Variants in TSPAN18 observed in about 807,000 individuals in gnomAD.
TSPAN18 encodes tetraspanin-18.
Under a neutral mutation model 27.3 loss-of-function variants are expected in TSPAN18, and 14 were observed. The ratio of observed to expected loss-of-function variants is 0.51; its 90% CI spans 0.34 to 0.80. The LOEUF is 0.80. TSPAN18 is among the 30% of genes least tolerant of loss of function. TSPAN18 has a pLI of 0.01. For synonymous variants in TSPAN18, 143 were observed against 136.5 expected (o/e 1.05, Z -0.33); for missense variants, 268 against 323.9 (o/e 0.83, Z 1.32).
At chr11:44,881,606 A>G (rs1426465385) in intron 3 of TSPAN18, among the ~76,000 whole-genome samples, 2 of 152,200 alleles carry the variant, frequency 1.3e-5, no homozygotes, top group African/African-American at 4.8e-5. Flanking sequence ...GGGAAAATAC[A>G]TCTCCGCCAC....
At chr11:44,731,633 T>TGTGAGAGAGAGAGA (rs139154582) in intron 1 of TSPAN18, among the ~76,000 whole-genome samples, 1 of 107,384 alleles carries the variant, frequency 9.3e-6, no homozygotes, top group Admixed American at 1.0e-4. Context: ...TGTGTGTGTG[T>TGTGAGAGAGAGAGA]GAGAGAGAGA....
At chr11:44,892,594 G>A (rs1336383710) in intron 3 of TSPAN18, among the ~76,000 whole-genome samples, 1 of 152,248 alleles carries the variant, frequency 6.6e-6, no homozygotes, top group Non-Finnish European at 1.5e-5. Flanking sequence ...TCAGTACAAT[G>A]TCTAGTGCCT....
At chr11:44,761,601 G>A (rs1342781114) in intron 1 of TSPAN18, among the ~76,000 whole-genome samples, 2 of 152,180 alleles carry the variant, frequency 1.3e-5, no homozygotes, top group Non-Finnish European at 2.9e-5. Flanking sequence ...TTAAGGCTCT[G>A]GAGCGCAAAA....
rs553838657 is a variant in TSPAN18, at chr11:44,927,613, T to C, written c.699+856T>C. On this transcript the variant is annotated intron_variant, in intron 9 of 9. Transcript: ENST00000520358. ...GAGGGAGGGGTCATTGATTATTCAT[T>C]CATGTATTCAACAAGCACACACTGA... Among the ~76,000 whole-genome samples, 3 of 152,282 alleles carry C rather than the reference T, an allele frequency of 2.0e-5. No individual in the cohort carries two copies. In the South Asian group the frequency reaches 6.2e-4, roughly 32 times the overall value.
At chr11:44,771,522 A>G (rs1590443032) in intron 2 of TSPAN18, among the ~76,000 whole-genome samples, 1 of 152,318 alleles carries the variant, frequency 6.6e-6, no homozygotes, top group East Asian at 1.9e-4. Flanking sequence ...ATGCATTCCT[A>G]GGTGTGTTAA....
chr11:44,931,908 A>G lies in TSPAN18; in HGVS notation c.*2730A>G, dbSNP rs1048160601. 7.9e-5 allele frequency: 12 copies of G among 152,408 alleles called. No homozygotes were observed. The highest frequency in any genetic ancestry group is 1.3e-4 in the Non-Finnish European group (9 of 68,072). 9.4% of individuals were successfully genotyped at this position (152,408 alleles called of 1,614,324 possible). On this transcript the variant is annotated 3_prime_UTR_variant, in exon 10 of 10. Coordinates refer to ENST00000520358, the MANE Select transcript of TSPAN18 (RefSeq NM_130783.5). ...AGAGACTTCCTCGGACCCCACTAAC[A>G]GGGCAAGGAACAAGAAGACTACACC... is the stretch of plus-strand genomic sequence containing the variant.
At chr11:44,911,132 G>A (rs547126871) in intron 5 of TSPAN18, among the ~76,000 whole-genome samples, 34 of 152,348 alleles carry the variant, frequency 2.2e-4, no homozygotes, top group African/African-American at 8.2e-4. Context: ...TCCCGCTACA[G>A]GGTAAGTTAA....
Position 44,788,456 on chromosome 11 carries a change from C to CTT in TSPAN18, c.-153+23962_-153+23963dup, listed in dbSNP as rs11458938. On this transcript the variant is annotated intron_variant, in intron 2 of 9. Coordinates refer to ENST00000520358, the MANE Select transcript of TSPAN18 (RefSeq NM_130783.5). The stretch of plus-strand genomic sequence containing the variant: ...TGGAGGATGGGTTTTCTTTTTTTCT[C>CTT]TTTTTTTTTTTTTTTTTTTGAGCCA... Among the ~76,000 whole-genome samples, 622 of 126,738 alleles carry CTT rather than the reference C, an allele frequency of 4.9e-3. 16 individuals carry two copies. Among genetic ancestry groups the CTT allele is most frequent in the African/African-American group, 0.016 (516 of 33,070 alleles). 83.1% of individuals were successfully genotyped at this position (126,738 alleles called of 152,430 possible). A position where few individuals can be genotyped will look rare whatever the true frequency, so the allele number is the denominator to read the frequency against.
chr11:44,808,351 A>C (rs963923652), intron 2 of TSPAN18, among the ~76,000 whole-genome samples: 12 of 151,750 alleles, frequency 7.9e-5, no homozygotes, highest in African/African-American at 2.9e-4. Context: ...CACAGCTGTG[A>C]TGATGGACAG....
At chr11:44,844,955 C>T (rs1857450527) in intron 2 of TSPAN18, among the ~76,000 whole-genome samples, 1 of 152,194 alleles carries the variant, frequency 6.6e-6, no homozygotes. Context: ...AAGGAGGCTC[C>T]AAAGGGGTAT....
chr11:44,907,924 G>A (rs1272754354), intron 4 of TSPAN18, among the ~76,000 whole-genome samples: 7 of 152,028 alleles, frequency 4.6e-5, no homozygotes, highest in African/African-American at 9.7e-5. Context: ...GCGTGGTAGC[G>A]GGTGCCTGTA....
At chr11:44,831,091 C>T (rs1248564234) in intron 2 of TSPAN18, among the ~76,000 whole-genome samples, 6 of 152,034 alleles carry the variant, frequency 3.9e-5, no homozygotes, top group East Asian at 1.9e-4. Flanking sequence ...CCAGCCTGGG[C>T]GACACAGCAA....
chr11:44,897,347 G>A (rs1320146760), intron 3 of TSPAN18, among the ~76,000 whole-genome samples: 4 of 152,144 alleles, frequency 2.6e-5, no homozygotes, highest in Admixed American at 1.3e-4. Flanking sequence ...GATGAACAGG[G>A]CCCTGCTGGC....
At chr11:44,746,187 C>T (rs1214388234) in intron 1 of TSPAN18, among the ~76,000 whole-genome samples, 2 of 152,126 alleles carry the variant, frequency 1.3e-5, no homozygotes, top group Non-Finnish European at 2.9e-5. Context: ...GGGTGGGGCA[C>T]GTTGCTCTCT....
chr11:44,893,403 A>G (rs1193404997), intron 3 of TSPAN18, among the ~76,000 whole-genome samples: 2 of 152,176 alleles, frequency 1.3e-5, no homozygotes, highest in African/African-American at 4.8e-5. Context: ...CTCAGCTGTG[A>G]CCATGTCCCC....
intron 3 of TSPAN18, chr11:44,903,825 C>T (rs1193336184): frequency 6.6e-6 from 3 of 456,698 alleles, no homozygotes; most frequent in Non-Finnish European, 1.3e-5. Context: ...CCAATCTTGG[C>T]TTCACCACTC....
intron 3 of TSPAN18, chr11:44,903,909 AAG>A (rs1359087118): frequency 6.6e-6 from 3 of 456,482 alleles, no homozygotes; most frequent in African/African-American, 6.0e-5. Flanking sequence ...TAAGGATAAT[AAG>A]AGTATTAATC....
chr11:44,736,403 G>A (rs10838349), intron 1 of TSPAN18: 102,402 of 152,158 alleles, frequency 0.67, 37,475 homozygotes, highest in Non-Finnish European at 0.84. Context: ...CTTTCAACTC[G>A]CCTTTCTGGA....
At chr11:44,887,375 T>C (rs990233706) in intron 3 of TSPAN18, among the ~76,000 whole-genome samples, 1 of 152,244 alleles carries the variant, frequency 6.6e-6, no homozygotes, top group African/African-American at 2.4e-5. Context: ...ACATGCTGAC[T>C]GTACTCAAAG....
Sources: gnomAD v4.1 joint callset for allele counts (sites outside exome capture counted in the v4.1 genomes callset) on GRCh38, gnomAD v4.1.1 for gene constraint, MANE v1.5 for transcripts, NCBI Gene and HGNC (gene_info 2026-07-23, HGNC 2026-07-21) for gene names.